Variants in CD79B observed in about 807,000 individuals in gnomAD.
The protein encoded by CD79B is CD79b molecule.
CD79B carries 7 observed loss-of-function variants against 30.0 expected under a neutral mutation model. That is an observed-to-expected ratio of 0.23 (90% CI 0.13 to 0.44). CD79B has a LOEUF of 0.44. CD79B is among the 20% of genes least tolerant of loss of function. The probability of loss-of-function intolerance (pLI) is 1.00; values close to 1 mark genes in which losing one functional copy is unlikely to be tolerated. For missense variants in CD79B, 218 were observed against 299.1 expected (o/e 0.73, Z 2.00); for synonymous variants, 118 against 119.2 (o/e 0.99, Z 0.07).
intron 2 of CD79B, 73 bp downstream of exon 2, chr17:63,931,262 C>A: frequency 1.3e-6 from 2 of 1,502,468 alleles, no homozygotes; most frequent in Non-Finnish European, 1.9e-6. Context: ...GCCCCCAGGA[C>A]AGGGACCATA....
Position 63,929,139 on chromosome 17 carries a change from G to A in CD79B, c.*87C>T, listed in dbSNP as rs1315804702. On this transcript the variant is annotated 3_prime_UTR_variant, in exon 6 of 6. Coordinates refer to ENST00000006750, the MANE Select transcript of CD79B (RefSeq NM_000626.4). ...TTCAGAGGCCAGCTGGGGGGTCCAG[G>A]AAAGGGGTTGGGCCATGAGCCAGGC... 6 of 922,656 alleles carry A rather than the reference G, an allele frequency of 6.5e-6. No homozygotes were observed. The East Asian group carries it at 9.6e-5, about 15-fold the overall frequency. 57.2% of individuals were successfully genotyped at this position (922,656 alleles called of 1,614,324 possible).
chr17:63,929,608 T>G (rs1001376465), intron 4 of CD79B, 133 bp from the exon 5 acceptor site: 23 of 1,050,764 alleles, frequency 2.2e-5, no homozygotes, highest in South Asian at 1.9e-4. Flanking sequence ...AACAGCTGAA[T>G]GAAGGAAGGA....
rs375597674 is a variant in CD79B, at chr17:63,930,335, G to A, written c.169C>T (p.Arg57Trp). ...CAGTGCATTTTCACCGTGAAGCCCC[G>A]TTTCCTGGCTATGAAACGTGGGCTC... is the stretch of plus-strand genomic sequence containing the variant. Reference protein sequence around the residue: ...WQSPRFIARKRGFTVKMHCYM... With the variant: ...WQSPRFIARKWGFTVKMHCYM... Residue 57 changes from arginine (R) to tryptophan (W), a missense_variant, in exon 3 of 6, where the codon CGG (arginine) becomes TGG (tryptophan). Arg to Trp is a moderately radical substitution (Grantham distance 101, BLOSUM62 -3). Transcript: ENST00000006750. 9.3e-6 allele frequency: 15 copies of A among 1,614,136 alleles called. No individual in the cohort carries two copies. The highest frequency in any genetic ancestry group is 6.7e-5 in the African/African-American group (5 of 75,062).
In CD79B at chr17:63,928,928, C is replaced by T; in HGVS notation, c.*298G>A. 2.0e-6 allele frequency: 1 copy of T among 500,304 alleles called. No homozygotes were observed. The highest frequency in any genetic ancestry group is 3.7e-6 in the Non-Finnish European group (1 of 272,112). 31.0% of individuals were successfully genotyped at this position (500,304 alleles called of 1,614,324 possible). On this transcript the variant is annotated 3_prime_UTR_variant, in exon 6 of 6. Transcript: ENST00000006750. The stretch of plus-strand genomic sequence containing the variant: ...CCGAGTCCATTTGCGGGCTCTGGAC[C>T]AGTCTCTGCCTCCCCCATCCCATGT...
At chr17:63,929,562 G>A in intron 4 of CD79B, 87 bp from the exon 5 acceptor site, 5 of 1,409,868 alleles carry the variant, frequency 3.5e-6, no homozygotes, top group Non-Finnish European at 5.0e-6. Context: ...GCCAGGGAGA[G>A]GGGTGAGGGG....
intron 1 of CD79B, 95 bp from the exon 2 acceptor site, chr17:63,931,480 T>A: frequency 8.2e-7 from 1 of 1,226,064 alleles, no homozygotes; most frequent in Non-Finnish European, 1.2e-6. Context: ...CGGAGCTACT[T>A]CCTCCTTCCA....
In CD79B at chr17:63,928,770, G is replaced by C. The variant is rs772526770; in HGVS notation, c.*456C>G. On this transcript the variant is annotated 3_prime_UTR_variant, in exon 6 of 6. Transcript: ENST00000006750. ...TCTCAGGACACACCGTTTATTCCAC[G>C]GGGGAAGGCACTGGAGGCCAGGGCC... is the stretch of plus-strand genomic sequence containing the variant. 3.2e-5 allele frequency: 11 copies of C among 340,816 alleles called. No homozygotes were observed. Among genetic ancestry groups the C allele is most frequent in the African/African-American group, 2.2e-4 (11 of 49,024 alleles). 21.1% of individuals were successfully genotyped at this position (340,816 alleles called of 1,614,324 possible).
At chr17:63,932,085 A>C in intron 1 of CD79B, 110 bp downstream of exon 1, 1 of 978,376 alleles carries the variant, frequency 1.0e-6, no homozygotes, top group Non-Finnish European at 1.6e-6. Flanking sequence ...GACAGGCGGT[A>C]AAGAGTGAGA....
intron 4 of CD79B, 99 bp from the exon 5 acceptor site, chr17:63,929,574 C>T: frequency 3.1e-6 from 4 of 1,309,480 alleles, no homozygotes; most frequent in African/African-American, 1.5e-5. Flanking sequence ...GGTGAGGGGT[C>T]AGGAGTGAGG....
rs756544400 is a variant in CD79B, at chr17:63,932,299, C to T, written c.-38G>A. Reference sequence around the variant, plus strand: ...GTCCCCGACCCCAAACCCGTGACAACGTCCGAGGCTCCTTGGAGGAAAACG... The same window carrying T: ...GTCCCCGACCCCAAACCCGTGACAATGTCCGAGGCTCCTTGGAGGAAAACG... On this transcript the variant is annotated 5_prime_UTR_variant, in exon 1 of 6. Transcript: ENST00000006750. 20 of 1,593,542 alleles carry T rather than the reference C, an allele frequency of 1.3e-5. No individual in the cohort carries two copies. Among genetic ancestry groups the T allele is most frequent in the East Asian group, 4.5e-5 (2 of 44,802 alleles).
At chr17:63,929,924 A>G (rs1908012831) in intron 3 of CD79B, 36 bp from the exon 4 acceptor site, 2 of 1,569,048 alleles carry the variant, frequency 1.3e-6, no homozygotes, top group South Asian at 2.2e-5. Flanking sequence ...AGCCTGGGCC[A>G]CAGTCCACCT....
Position 63,929,215 on chromosome 17 carries a change from C to T in CD79B, c.*11G>A, listed in dbSNP as rs200157963. ...GGGAGCCTGCACCCAGGTCATGGGG[C>T]GACCTGGCTCTCACTCCTGGCCTGG... is the stretch of plus-strand genomic sequence containing the variant. On this transcript the variant is annotated 3_prime_UTR_variant, in exon 6 of 6. Transcript: ENST00000006750. 142 of 1,571,946 alleles carry T rather than the reference C, an allele frequency of 9.0e-5. No homozygotes were observed. Among genetic ancestry groups the T allele is most frequent in the African/African-American group, 1.3e-4 (10 of 74,178 alleles).
chr17:63,930,218 T>C lies in CD79B; in HGVS notation c.286A>G (p.Met96Val), dbSNP rs201757742. Residue 96 changes from methionine to valine, a missense_variant, in exon 3 of 6, where the codon ATG becomes GTG. Physicochemically the swap from Met to Val is conservative, Grantham distance 21. Transcript: ENST00000006750. ...PQQLKLEKGR[M>V]EESQNESLAT... Reference sequence around the variant, plus strand: ...AGAGATTCGTTCTGGGACTCTTCCATGCGGCCCTTTTCCAGCTTCAGCTGC... The same window carrying C: ...AGAGATTCGTTCTGGGACTCTTCCACGCGGCCCTTTTCCAGCTTCAGCTGC... The C allele has an allele frequency of 2.3e-4, 374 of 1,614,098 alleles. No homozygotes were observed. The highest frequency in any genetic ancestry group is 2.9e-4 in the Non-Finnish European group (343 of 1,180,036).
Position 63,930,340 on chromosome 17 carries a change from C to T in CD79B, c.164G>A (p.Arg55Lys). 3 of 1,614,128 alleles carry T rather than the reference C, an allele frequency of 1.9e-6. No homozygotes were observed. Among genetic ancestry groups the T allele is most frequent in the Non-Finnish European group, 2.5e-6 (3 of 1,180,022 alleles). Residue 55 changes from arginine (R) to lysine (K), a missense_variant, in exon 3 of 6, where the codon AGG becomes AAG. Physicochemically the swap from Arg to Lys is conservative, Grantham distance 26. Coordinates refer to ENST00000006750, the MANE Select transcript of CD79B (RefSeq NM_000626.4). ...CATTTTCACCGTGAAGCCCCGTTTC[C>T]TGGCTATGAAACGTGGGCTCTGCCA... ...RIWQSPRFIA[R>K]KRGFTVKMHC... is the part of the protein sequence containing the mutation.
chr17:63,931,036 C>T (rs1032893449), intron 2 of CD79B: 2 of 463,044 alleles, frequency 4.3e-6, no homozygotes, highest in Non-Finnish European at 8.0e-6. Context: ...CAGCCAGATT[C>T]CCAGCTAGAC....
At chr17:63,929,730 C>T (rs921428231) in intron 4 of CD79B, 40 bp downstream of exon 4, 31 of 1,452,298 alleles carry the variant, frequency 2.1e-5, no homozygotes, top group Non-Finnish European at 3.0e-5. Flanking sequence ...GCGGTGGCCT[C>T]CTCTGCGGTC....
Position 63,928,866 on chromosome 17 carries a change from A to G in CD79B, c.*360T>C. On this transcript the variant is annotated 3_prime_UTR_variant, in exon 6 of 6. Transcript: ENST00000006750. ...GCTCTTCTGGGGCCCAGTTGGGTCC[A>G]TGGCCCTTCCCAAGCTCTGCTGGGA... 1 of 430,322 alleles carries G rather than the reference A, an allele frequency of 2.3e-6. No individual in the cohort carries two copies. Among genetic ancestry groups the G allele is most frequent in the Middle Eastern group, 6.7e-4 (1 of 1,486 alleles). The allele number at this position is 430,322 out of a possible 1,614,324, so 26.7% of individuals were successfully genotyped here.
Position 63,929,841 on chromosome 17 carries a change from C to T in CD79B, c.478G>A (p.Gly160Ser), listed in dbSNP as rs1908007085. The T allele has an allele frequency of 6.2e-7, 1 of 1,613,780 alleles. No individual in the cohort carries two copies. Among genetic ancestry groups the T allele is most frequent in the South Asian group, 1.1e-5 (1 of 91,076 alleles). Reference sequence around the variant, plus strand: ...AGCAGCGTCTGGATCATGATGATACCATCCTTCAGCGTGTTCCTCTGCTTC... The same window carrying T: ...AGCAGCGTCTGGATCATGATGATACTATCCTTCAGCGTGTTCCTCTGCTTC... ...QLKQRNTLKDGIIMIQTLLII... is the reference protein window; with the variant it reads ...QLKQRNTLKDSIIMIQTLLII... Residue 160 changes from glycine (G) to serine (S), a missense_variant, in exon 4 of 6, where the codon GGT (glycine) becomes AGT (serine). Transcript: ENST00000006750.
In CD79B at chr17:63,929,280, C is replaced by A; in HGVS notation, c.636G>T (p.Thr212=). 3 of 1,614,024 alleles carry A rather than the reference C, an allele frequency of 1.9e-6. No individual in the cohort carries two copies. Among genetic ancestry groups the A allele is most frequent in the Non-Finnish European group, 1.7e-6 (2 of 1,179,942 alleles). ...ACCACTTCACTTCCCCTGTCCGCAGCGTCACTATGTCCTCATAGGTGGCTG... is the reference window on the plus strand; with the variant it reads ...ACCACTTCACTTCCCCTGTCCGCAGAGTCACTATGTCCTCATAGGTGGCTG... ...DQTATYEDIV[T]LRTGEVKWSV... The change falls in exon 6 of 6, where the codon ACG becomes ACT. Residue 212 remains threonine (T), a synonymous_variant. Coordinates refer to ENST00000006750, the MANE Select transcript of CD79B (RefSeq NM_000626.4).
Sources: allele counts gnomAD v4.1 joint callset, GRCh38; gene constraint gnomAD v4.1.1; transcripts MANE v1.5; gene names NCBI Gene and HGNC (gene_info 2026-07-23, HGNC 2026-07-21).